RAB11FIP4: variants seen among roughly 807,000 people sequenced by gnomAD.
The protein encoded by RAB11FIP4 is rab11 family-interacting protein 4.
Under a neutral mutation model 74.3 loss-of-function variants are expected in RAB11FIP4, and 23 were observed. That is an observed-to-expected ratio of 0.31 (90% CI 0.22 to 0.44). The LOEUF (loss-of-function observed/expected upper bound fraction) is 0.44. RAB11FIP4 is among the 20% of genes least tolerant of loss of function. The pLI is 1.00. For synonymous variants in RAB11FIP4, 360 were observed against 359.9 expected (o/e 1.00, Z 0.00); for missense variants, 630 against 863.9 (o/e 0.73, Z 3.39).
chr17:31,513,173 C>T (rs768740139), intron 3 of RAB11FIP4, among the ~76,000 whole-genome samples: 32 of 152,130 alleles, frequency 2.1e-4, no homozygotes, highest in Non-Finnish European at 3.4e-4. Flanking sequence ...GGGGGCTCCG[C>T]GTGATTCTTA....
At chr17:31,402,061 C>T (rs2070991694) in intron 1 of RAB11FIP4, among the ~76,000 whole-genome samples, 1 of 152,194 alleles carries the variant, frequency 6.6e-6, no homozygotes, top group Admixed American at 6.5e-5. Context: ...ACCTCCTGAT[C>T]CATCCGTCCA....
intron 3 of RAB11FIP4, among the ~76,000 whole-genome samples, chr17:31,447,639 C>T (rs1467966717): frequency 6.6e-6 from 1 of 152,066 alleles, no homozygotes; most frequent in Non-Finnish European, 1.5e-5. Context: ...TCTCCTGTGT[C>T]AGCCTCCCAA....
In RAB11FIP4 at chr17:31,532,516, AAGG is replaced by A. The variant is rs1341992917; in HGVS notation, c.*787_*789del. The A allele has an allele frequency of 2.0e-5, 3 of 152,658 alleles. No homozygotes were observed. Among genetic ancestry groups the A allele is most frequent in the Admixed American group, 2.0e-4 (3 of 15,288 alleles). The allele number at this position is 152,658 out of a possible 1,614,324, so 9.5% of individuals were successfully genotyped here. A position where few individuals can be genotyped will look rare whatever the true frequency, so the allele number is the denominator to read the frequency against. ...ATTGTAACATGAAGGGATAAAAATG[AAGG>A]AGAAGGAGGGTTTGGGATGGGTGTC... On this transcript the variant is annotated 3_prime_UTR_variant, in exon 15 of 15. Transcript: ENST00000621161.
At chr17:31,424,725 A>G (rs1407163721) in intron 1 of RAB11FIP4, among the ~76,000 whole-genome samples, 2 of 151,942 alleles carry the variant, frequency 1.3e-5, no homozygotes, top group African/African-American at 4.8e-5. Context: ...ACAGGTGTAC[A>G]CCACCACACC....
intron 3 of RAB11FIP4, among the ~76,000 whole-genome samples, chr17:31,437,937 G>T (rs111265611): frequency 0.013 from 1,986 of 152,282 alleles, 42 homozygotes; most frequent in African/African-American, 0.046. Context: ...GGCTCCACCT[G>T]CGTCCCCAGA....
Position 31,530,344 on chromosome 17 carries a change from G to T in RAB11FIP4, c.1672G>T (p.Asp558Tyr). The T allele has an allele frequency of 6.2e-7, 1 of 1,614,160 alleles. No individual in the cohort carries two copies. Among genetic ancestry groups the T allele is most frequent in the East Asian group, 2.2e-5 (1 of 44,886 alleles). ...RLKQENYKLR[D>Y]QNDDLNGQIL... is the part of the protein sequence containing the mutation. ...TCTGTAGGAGAATTATAAGCTGCGG[G>T]ATCAGAACGACGACTTGAATGGGCA... Residue 558 changes from aspartate (D) to tyrosine (Y), a missense_variant, in exon 14 of 15, where the codon GAT becomes TAT. Coordinates refer to ENST00000621161, the MANE Select transcript of RAB11FIP4 (RefSeq NM_032932.6).
chr17:31,467,489 C>T (rs114838110), intron 3 of RAB11FIP4, among the ~76,000 whole-genome samples: 1,839 of 152,284 alleles, frequency 0.012, 40 homozygotes, highest in African/African-American at 0.042. Context: ...ATCCTGCCCT[C>T]AGTCTTTCTC....
At chr17:31,446,966 A>G (rs1234562992) in intron 3 of RAB11FIP4, among the ~76,000 whole-genome samples, 1 of 152,200 alleles carries the variant, frequency 6.6e-6, no homozygotes, top group Non-Finnish European at 1.5e-5. Flanking sequence ...CTTGGACAGC[A>G]AAGTGAGACC....
At chr17:31,521,470 C>T (rs1020236578) in intron 5 of RAB11FIP4, 110 bp downstream of exon 5, 21 of 969,542 alleles carry the variant, frequency 2.2e-5, no homozygotes, top group Middle Eastern at 5.9e-4. Flanking sequence ...TTTCCTTTGT[C>T]CTCAGCTACT....
At chr17:31,405,760 C>A (rs1486359712) in intron 1 of RAB11FIP4, among the ~76,000 whole-genome samples, 1 of 152,144 alleles carries the variant, frequency 6.6e-6, no homozygotes, top group South Asian at 2.1e-4. Flanking sequence ...CTTAGTTTTA[C>A]TTTTATAGTA....
intron 3 of RAB11FIP4, among the ~76,000 whole-genome samples, chr17:31,481,329 C>A (rs537675818): frequency 1.3e-5 from 2 of 151,916 alleles, no homozygotes; most frequent in South Asian, 2.1e-4. Flanking sequence ...TGATTCCAAG[C>A]GTTTTTTAAG....
intron 1 of RAB11FIP4, among the ~76,000 whole-genome samples, chr17:31,395,177 C>T (rs1487276760): frequency 3.3e-5 from 5 of 151,402 alleles, no homozygotes; most frequent in Non-Finnish European, 5.9e-5. Flanking sequence ...TATACTAGGT[C>T]ATAAAGTATG....
chr17:31,514,141 C>T (rs1201877374), intron 3 of RAB11FIP4, among the ~76,000 whole-genome samples: 3 of 152,268 alleles, frequency 2.0e-5, no homozygotes, highest in African/African-American at 7.2e-5. Context: ...TCTGCCCTGC[C>T]TGTGCCTGAG....
At chr17:31,499,456 A>G (rs1352497120) in intron 3 of RAB11FIP4, among the ~76,000 whole-genome samples, 1 of 152,026 alleles carries the variant, frequency 6.6e-6, no homozygotes, top group East Asian at 1.9e-4. Flanking sequence ...CCCTGGTTCA[A>G]GCGATTCTCC....
At chr17:31,499,758 G>C (rs187778480) in intron 3 of RAB11FIP4, among the ~76,000 whole-genome samples, 1 of 151,916 alleles carries the variant, frequency 6.6e-6, no homozygotes, top group Non-Finnish European at 1.5e-5. Flanking sequence ...GCCCTAGTAT[G>C]TCAACTTTGT....
intron 1 of RAB11FIP4, among the ~76,000 whole-genome samples, chr17:31,427,181 G>A (rs969606181): frequency 1.3e-5 from 2 of 152,072 alleles, no homozygotes; most frequent in African/African-American, 4.8e-5. Flanking sequence ...GGCTGGTCTC[G>A]AACTCCTGAC....
chr17:31,473,647 C>T (rs537244257), intron 3 of RAB11FIP4, among the ~76,000 whole-genome samples: 11 of 152,316 alleles, frequency 7.2e-5, no homozygotes, highest in East Asian at 5.8e-4. Context: ...GCGGTCAGCT[C>T]GGCCAGGCTG....
At chr17:31,407,624 G>A (rs2071055210) in intron 1 of RAB11FIP4, among the ~76,000 whole-genome samples, 1 of 152,156 alleles carries the variant, frequency 6.6e-6, no homozygotes, top group Non-Finnish European at 1.5e-5. Flanking sequence ...TTGTCCTATA[G>A]ACTGTCCCAT....
intron 1 of RAB11FIP4, among the ~76,000 whole-genome samples, chr17:31,425,435 T>G (rs920854130): frequency 6.6e-6 from 1 of 152,208 alleles, no homozygotes; most frequent in African/African-American, 2.4e-5. Context: ...CCATCTGGCC[T>G]TCAGACCTTG....
Sources: allele counts gnomAD v4.1 joint callset (sites outside exome capture counted in the v4.1 genomes callset), GRCh38; gene constraint gnomAD v4.1.1; transcripts MANE v1.5; gene names NCBI Gene and HGNC (gene_info 2026-07-23, HGNC 2026-07-21).